TTC19: variants seen among roughly 807,000 people sequenced by gnomAD.
The protein encoded by TTC19 is tetratricopeptide repeat protein 19, mitochondrial.
Under a neutral mutation model 49.5 loss-of-function variants are expected in TTC19, and 38 were observed. That is an observed-to-expected ratio of 0.77 (90% CI 0.59 to 1.01). The LOEUF is 1.01. Among genes scored for constraint, TTC19 ranks in the 50% least tolerant of loss-of-function variants. The pLI, the probability that TTC19 is intolerant of heterozygous loss-of-function variation, is 0.00. For synonymous variants in TTC19, 204 were observed against 185.2 expected (o/e 1.10, Z -0.83); for missense variants, 475 against 477.7 (o/e 0.99, Z 0.05).
chr17:16,043,781 AACAAG>A (rs1733645103), intron 2 of TTC19, among the ~76,000 whole-genome samples: 1 of 152,216 alleles, frequency 6.6e-6, no homozygotes, highest in African/African-American at 2.4e-5. Context: ...AGAAATTGAA[AACAAG>A]AGTATATTTT....
chr17:16,000,513 T>C, intron 2 of TTC19: 2 of 926,634 alleles, frequency 2.2e-6, no homozygotes, highest in Non-Finnish European at 1.5e-6. Flanking sequence ...AAACGAAATA[T>C]CGGGAACGTT....
chr17:16,002,899 G>A lies in TTC19; in HGVS notation c.462+68G>A, dbSNP rs559925454. The A allele has an allele frequency of 3.5e-5, 49 of 1,413,214 alleles. No individual in the cohort carries two copies. In the East Asian group the frequency reaches 1.1e-3, roughly 32 times the overall value. 87.5% of individuals were successfully genotyped at this position (1,413,214 alleles called of 1,614,324 possible). ...AGCTTCAAGGGAACTGTAATAGTAA[G>A]AGTACAGGCTAAGCTGCTATAACAA... On this transcript the variant is annotated intron_variant, in intron 4 of 9. Coordinates refer to ENST00000261647, the MANE Select transcript of TTC19 (RefSeq NM_017775.4).
chr17:16,019,022 G>T (rs1414875658), intron 7 of TTC19, among the ~76,000 whole-genome samples: 3 of 152,024 alleles, frequency 2.0e-5, no homozygotes, highest in African/African-American at 7.3e-5. Context: ...CCTACTTATT[G>T]CACTTGTATA....
At chr17:16,038,213 G>T (rs1374886245) in intron 2 of TTC19, among the ~76,000 whole-genome samples, 1 of 152,062 alleles carries the variant, frequency 6.6e-6, no homozygotes, top group African/African-American at 2.4e-5. Context: ...AAGCACAAGA[G>T]ATATTCTCAA....
chr17:16,001,503 A>C (rs1970732114), intron 2 of TTC19, among the ~76,000 whole-genome samples: 3 of 152,124 alleles, frequency 2.0e-5, no homozygotes, highest in Non-Finnish European at 4.4e-5. Context: ...GGCTTCCCTA[A>C]GTCCTATTTA....
chr17:16,017,342 G>A (rs1411303475), intron 7 of TTC19, among the ~76,000 whole-genome samples: 6 of 151,808 alleles, frequency 4.0e-5, no homozygotes, highest in East Asian at 1.9e-4. Flanking sequence ...CCAGCTACTC[G>A]GGAGGCTGAG....
At chr17:16,032,284 A>G, downstream of TTC19, 1 of 1,598,118 alleles carries the variant, frequency 6.3e-7, no homozygotes, top group Non-Finnish European at 8.5e-7. Flanking sequence ...TGTTCCCCTC[A>G]CTTTGTGCAG....
intron 2 of TTC19, chr17:16,040,370 A>G: frequency 1.6e-6 from 2 of 1,239,748 alleles, no homozygotes; most frequent in Non-Finnish European, 2.4e-6. Context: ...GTTGGTACTC[A>G]GTACATATTT....
In TTC19 at chr17:16,028,512, T is replaced by C; in HGVS notation, c.*990T>C. On this transcript the variant is annotated 3_prime_UTR_variant, in exon 10 of 10. Coordinates refer to ENST00000261647, the MANE Select transcript of TTC19 (RefSeq NM_017775.4). Reference sequence around the variant, plus strand: ...GGGGAAGGTATTTGGTTAGATGACTTTGAATGAATAGACTGCTGTGCTGAA... The same window carrying C: ...GGGGAAGGTATTTGGTTAGATGACTCTGAATGAATAGACTGCTGTGCTGAA... 2.2e-6 allele frequency: 1 copy of C among 454,024 alleles called. No homozygotes were observed. Among genetic ancestry groups the C allele is most frequent in the South Asian group, 1.6e-5 (1 of 64,470 alleles). The allele number at this position is 454,024 out of a possible 1,614,324, so 28.1% of individuals were successfully genotyped here.
At chr17:16,026,461 C>G in intron 8 of TTC19, 79 bp from the exon 9 acceptor site, 1 of 1,305,936 alleles carries the variant, frequency 7.7e-7, no homozygotes, top group Non-Finnish European at 1.1e-6. Context: ...CTTATGTATT[C>G]AGAGTTGGAT....
chr17:16,003,233 T>C (rs915698145), intron 4 of TTC19, among the ~76,000 whole-genome samples: 3 of 152,066 alleles, frequency 2.0e-5, no homozygotes, highest in African/African-American at 7.2e-5. Flanking sequence ...AACTTAAGGG[T>C]GTCCAATCTG....
downstream of TTC19, chr17:16,030,835 T>TAATC (rs1971855027): frequency 3.8e-5 from 7 of 185,388 alleles, no homozygotes; most frequent in Middle Eastern, 2.0e-3. Flanking sequence ...GGTCAGTAGC[T>TAATC]AATCACAGAG....
At chr17:16,044,813 G>A in exon 3 of TTC19, 2 of 1,104,512 alleles carry the variant, frequency 1.8e-6, no homozygotes, top group Middle Eastern at 2.9e-4. Flanking sequence ...CAATGTAGGG[G>A]CTGGTGGACC....
intron 7 of TTC19, among the ~76,000 whole-genome samples, chr17:16,009,622 A>AT: frequency 6.6e-6 from 1 of 152,180 alleles, no homozygotes; most frequent in South Asian, 2.1e-4. Flanking sequence ...TCTTCATCTT[A>AT]TTTTTTCTAG....
intron 6 of TTC19, among the ~76,000 whole-genome samples, chr17:16,005,240 G>A (rs1970865752): frequency 2.0e-5 from 3 of 152,198 alleles, no homozygotes; most frequent in Admixed American, 6.5e-5. Flanking sequence ...CTGAGGCTTC[G>A]AAAGGCTGAT....
intron 7 of TTC19, among the ~76,000 whole-genome samples, chr17:16,010,924 G>A (rs1454589174): frequency 6.6e-6 from 1 of 152,212 alleles, no homozygotes; most frequent in Admixed American, 6.5e-5. Flanking sequence ...TCTACATTAT[G>A]AGTGTATGAA....
intron 2 of TTC19, among the ~76,000 whole-genome samples, chr17:16,035,552 T>A (rs988801000): frequency 6.8e-6 from 1 of 147,098 alleles, no homozygotes; most frequent in Admixed American, 6.7e-5. Flanking sequence ...TTTTTTTTTT[T>A]AAGGCAGGGT....
Position 16,027,528 on chromosome 17 carries a change from T to C in TTC19, c.*6T>C, listed in dbSNP as rs758707205. 6.2e-7 allele frequency: 1 copy of C among 1,613,738 alleles called. No homozygotes were observed. Among genetic ancestry groups the C allele is most frequent in the African/African-American group, 1.3e-5 (1 of 75,004 alleles). On this transcript the variant is annotated 3_prime_UTR_variant, in exon 10 of 10. Transcript: ENST00000261647. ...CAAATTCTGTCAAGCTCTAAATCCA[T>C]TTTTGTGTAGGGAGAATAATGTCTA...
At chr17:16,025,774 A>G (rs1353266969) in intron 8 of TTC19, among the ~76,000 whole-genome samples, 1 of 152,198 alleles carries the variant, frequency 6.6e-6, no homozygotes, top group Non-Finnish European at 1.5e-5. Context: ...GCTACTGCCA[A>G]TATAAGACAT....
Sources: allele counts gnomAD v4.1 joint callset (sites outside exome capture counted in the v4.1 genomes callset), GRCh38; gene constraint gnomAD v4.1.1; transcripts MANE v1.5; gene names NCBI Gene and HGNC (gene_info 2026-07-23, HGNC 2026-07-21).